The following PIK3AP1 variants were observed in gnomAD, a reference collection of about 807,000 sequenced individuals.
PIK3AP1 encodes phosphoinositide-3-kinase adaptor protein 1, also known as phosphoinositide 3-kinase adapter protein 1.
In PIK3AP1, 21 loss-of-function variants were observed where a neutral mutation model predicts 88.1. The ratio of observed to expected loss-of-function variants is 0.24; its 90% CI spans 0.17 to 0.34. The LOEUF is 0.34. Ranked by LOEUF, PIK3AP1 falls within the 10% of genes least tolerant of loss-of-function variation. PIK3AP1 has a pLI of 1.00. For missense variants in PIK3AP1, 828 were observed against 1,035.7 expected, an observed-to-expected ratio of 0.80 and a Z score of 2.75; for synonymous variants, 398 against 400.0, an observed-to-expected ratio of 1.00 and a Z score of 0.06.
intron 3 of PIK3AP1, among the ~76,000 whole-genome samples, chr10:96,653,892 G>A (rs182843067): frequency 5.9e-5 from 9 of 152,280 alleles, no homozygotes; most frequent in East Asian, 3.9e-4. Context: ...GAAGTCCTTC[G>A]CCACAGATAG....
At chr10:96,639,236 A>T (rs762205959) in intron 8 of PIK3AP1, among the ~76,000 whole-genome samples, 1 of 152,170 alleles carries the variant, frequency 6.6e-6, no homozygotes, top group Non-Finnish European at 1.5e-5. Context: ...GAATACTGAC[A>T]CACTATTCCA....
chr10:96,704,872 A>C (rs1195652325), intron 2 of PIK3AP1, among the ~76,000 whole-genome samples: 5 of 152,214 alleles, frequency 3.3e-5, no homozygotes, highest in Non-Finnish European at 7.3e-5. Flanking sequence ...CAGCAAAAGA[A>C]AGTATAATTG....
chr10:96,719,785 C>T (rs971629728), intron 1 of PIK3AP1, among the ~76,000 whole-genome samples: 71 of 152,166 alleles, frequency 4.7e-4, no homozygotes, highest in African/African-American at 1.6e-3. Flanking sequence ...GCCAACTCTC[C>T]CCATTCCCCA....
In PIK3AP1 at chr10:96,616,839, A is replaced by T; in HGVS notation, c.1942-128T>A. The T allele has an allele frequency of 6.9e-6, 6 of 875,894 alleles. No homozygotes were observed. In the South Asian group the frequency reaches 8.7e-5, roughly 13 times the overall value. The allele number at this position is 875,894 out of a possible 1,614,324, so 54.3% of individuals were successfully genotyped here. ...TTGCAGTCACATTTACAACATGCAA[A>T]TGAGGCTCAGCGCATTCACAGTCAG... On this transcript the variant is annotated intron_variant, in intron 12 of 16. Transcript: ENST00000339364.
intron 11 of PIK3AP1, among the ~76,000 whole-genome samples, chr10:96,622,801 A>C (rs1843102716): frequency 6.6e-6 from 1 of 152,250 alleles, no homozygotes; most frequent in South Asian, 2.1e-4. Context: ...TCAAGAGAAA[A>C]GAGCACTTAG....
At chr10:96,641,539 C>T (rs1002459822) in intron 8 of PIK3AP1, among the ~76,000 whole-genome samples, 3 of 152,168 alleles carry the variant, frequency 2.0e-5, no homozygotes, top group African/African-American at 4.8e-5. Context: ...CACTGATAAA[C>T]GTGGCAATCT....
At chr10:96,714,959 C>A (rs1844483485) in intron 1 of PIK3AP1, among the ~76,000 whole-genome samples, 1 of 151,968 alleles carries the variant, frequency 6.6e-6, no homozygotes, top group Admixed American at 6.6e-5. Flanking sequence ...TAGAGTGTAA[C>A]TCCTTATACA....
chr10:96,653,135 G>A (rs768810869), intron 3 of PIK3AP1, among the ~76,000 whole-genome samples: 1 of 151,958 alleles, frequency 6.6e-6, no homozygotes, highest in Non-Finnish European at 1.5e-5. Context: ...AGCTGGGCGC[G>A]GTGGCTCACG....
chr10:96,720,306 G>C lies in PIK3AP1; in HGVS notation c.13+76C>G. The stretch of plus-strand genomic sequence containing the variant: ...AGAGGACGCAAACAGAAGCAAGCGG[G>C]GGAGCGCGCCTCAAGGGATGCGGGG... On this transcript the variant is annotated intron_variant, in intron 1 of 16. Transcript: ENST00000339364. This position sits in a 1 kb window ranked among gnomAD's most constrained non-coding sequence, Gnocchi z 4.6. The C allele has an allele frequency of 8.2e-7, 1 of 1,225,126 alleles. No individual in the cohort carries two copies. The highest frequency in any genetic ancestry group is 1.0e-6 in the Non-Finnish European group (1 of 972,302). 75.9% of individuals were successfully genotyped at this position (1,225,126 alleles called of 1,614,324 possible). A position where few individuals can be genotyped will look rare whatever the true frequency, so the allele number is the denominator to read the frequency against.
chr10:96,602,080 T>G (rs1451768925), intron 16 of PIK3AP1, among the ~76,000 whole-genome samples, 200 bp downstream of exon 16: 1 of 152,184 alleles, frequency 6.6e-6, no homozygotes, highest in Non-Finnish European at 1.5e-5. Context: ...AGATGGGGTA[T>G]CACCATGTTA....
In PIK3AP1 at chr10:96,651,568, T is replaced by C. The variant is rs371873967; in HGVS notation, c.796A>G (p.Met266Val). The C allele has an allele frequency of 1.9e-4, 306 of 1,614,192 alleles. No homozygotes were observed. Among genetic ancestry groups the C allele is most frequent in the Non-Finnish European group, 2.5e-4 (296 of 1,180,020 alleles). The change falls in exon 5 of 17, where the codon ATG (methionine) becomes GTG (valine). Residue 266 changes from methionine (M) to valine (V), a missense_variant. Met to Val is a conservative substitution (Grantham distance 21, BLOSUM62 1). Transcript: ENST00000339364. ...GACAATAAATTCCCAATTTCTTCCA[T>C]GTCAGTATAATAGCTGATAACGGTT... Reference protein sequence around the residue: ...CETVISYYTDMEEIGNLLSNA... With the variant: ...CETVISYYTDVEEIGNLLSNA...
At chr10:96,681,299 T>A (rs1843996007) in intron 2 of PIK3AP1, among the ~76,000 whole-genome samples, 1 of 152,172 alleles carries the variant, frequency 6.6e-6, no homozygotes, top group African/African-American at 2.4e-5. Flanking sequence ...TATCTCCAAA[T>A]CCAGTCGGGT....
chr10:96,626,871 A>G lies in PIK3AP1; in HGVS notation c.1506T>C (p.Asp502=), dbSNP rs74496843. 1.3e-3 allele frequency: 2,077 copies of G among 1,614,174 alleles called. 26 individuals are homozygous for G. The African/African-American group carries it at 0.023, about 18-fold the overall frequency. Residue 502 remains aspartate (D), a synonymous_variant, in exon 10 of 17, where the codon GAT becomes GAC. Transcript: ENST00000339364. ...CTTCTTCCTGACCAAGATGGCACTG[A>G]TCTCTCTCCAGATTGGTCATTCCCA... ...NSMGMTNLER[D]QCHLGQEEDV...
At chr10:96,650,482 A>G (rs1843522122) in intron 6 of PIK3AP1, among the ~76,000 whole-genome samples, 1 of 152,194 alleles carries the variant, frequency 6.6e-6, no homozygotes, top group South Asian at 2.1e-4. Context: ...CTCATTAAAC[A>G]ACTACTTGTT....
chr10:96,640,265 C>T (rs750874686), intron 8 of PIK3AP1, among the ~76,000 whole-genome samples: 2 of 152,172 alleles, frequency 1.3e-5, no homozygotes, highest in Admixed American at 6.5e-5. Flanking sequence ...TCGCTCCTTT[C>T]GCTTTATGGA....
chr10:96,661,607 G>A (rs1280946882), intron 2 of PIK3AP1, among the ~76,000 whole-genome samples: 1 of 152,092 alleles, frequency 6.6e-6, no homozygotes, highest in Non-Finnish European at 1.5e-5. Context: ...ACCTAAAACT[G>A]CTCTAAAATA....
intron 2 of PIK3AP1, among the ~76,000 whole-genome samples, chr10:96,692,588 GA>G (rs1564985976): frequency 1.3e-5 from 2 of 151,128 alleles, no homozygotes; most frequent in South Asian, 2.1e-4. Flanking sequence ...AAAAAAGAAA[GA>G]AAGAAAGAAA....
At chr10:96,644,025 A>G (rs1843426249) in intron 8 of PIK3AP1, among the ~76,000 whole-genome samples, 2 of 152,326 alleles carry the variant, frequency 1.3e-5, no homozygotes, top group Middle Eastern at 3.4e-3. Context: ...AGCCTCTTAG[A>G]GGGCCTGCTG....
At position 96,612,982 on chromosome 10, in the gene PIK3AP1, ATTTTTTTTTTTTTTTTTTTTT is replaced by A. The variant is rs3979626; in HGVS notation, c.2015-3136_2015-3116del. Among the ~76,000 whole-genome samples, 9 of 34,800 alleles carry A rather than the reference ATTTTTTTTTTTTTTTTTTTTT, an allele frequency of 2.6e-4. No homozygotes were observed. In the East Asian group the frequency reaches 3.1e-3, roughly 12 times the overall value. 22.8% of individuals were successfully genotyped at this position (34,800 alleles called of 152,430 possible). On this transcript the variant is annotated intron_variant, in intron 13 of 16. Transcript: ENST00000339364. ...TATATATATATATATATATATATAT[ATTTTTTTTTTTTTTTTTTTTT>A]TTTTTTTTTTTTTGAGACAGAGTCT...
Sources: gnomAD v4.1 joint callset for allele counts (sites outside exome capture counted in the v4.1 genomes callset) on GRCh38, gnomAD v4.1.1 for gene constraint, Gnocchi (gnomAD v3.1) non-coding constraint, MANE v1.5 for transcripts, NCBI Gene and HGNC (gene_info 2026-07-23, HGNC 2026-07-21) for gene names.